RPS6KL1: variants seen among roughly 807,000 people sequenced by gnomAD.
RPS6KL1 encodes ribosomal protein S6 kinase like 1.
RPS6KL1 carries 41 observed loss-of-function variants against 57.0 expected under a neutral mutation model. That is an observed-to-expected ratio of 0.72 (90% CI 0.56 to 0.93). RPS6KL1 has a LOEUF of 0.93. RPS6KL1 is among the 40% of genes least tolerant of loss of function. The pLI is 0.00. For synonymous variants in RPS6KL1, 287 were observed against 309.7 expected, an observed-to-expected ratio of 0.93 and a Z score of 0.77; for missense variants, 697 against 727.7, an observed-to-expected ratio of 0.96 and a Z score of 0.49.
At position 74,909,935 on chromosome 14, in the gene RPS6KL1, G is replaced by A. The variant is rs1885628466; in HGVS notation, c.878C>T (p.Ala293Val). 3 of 1,614,010 alleles carry A rather than the reference G, an allele frequency of 1.9e-6. No homozygotes were observed. In the Admixed American group the frequency reaches 5.0e-5, roughly 27 times the overall value. The change falls in exon 8 of 12, where the codon GCC becomes GTC. Residue 293 changes from alanine to valine, a missense_variant. Coordinates refer to ENST00000557413, the MANE Select transcript of RPS6KL1 (RefSeq NM_031464.5). The stretch of plus-strand genomic sequence containing the variant: ...CTCCCTCTGGGGTCTGGTGGATGGG[G>A]CCTCCCCAGCTAGGAGAAGGTTCGG... ...TSPNLLLAGE[A>V]PSTRPQREAE...
rs1555375580 is a variant in RPS6KL1 at position 74,907,486 on chromosome 14, C to G, written c.1488G>C (p.Gln496His). 5.7e-6 allele frequency: 9 copies of G among 1,588,292 alleles called. No individual in the cohort carries two copies. The highest frequency in any genetic ancestry group is 7.7e-6 in the Non-Finnish European group (9 of 1,167,444). The change falls in exon 11 of 12, where the codon CAG becomes CAC. Residue 496 changes from glutamine to histidine, a missense_variant. Gln to His is a conservative substitution (Grantham distance 24, BLOSUM62 0). Transcript: ENST00000557413. ...SHPSGIQAHT[Q>H]LQLPEWLSRP... ...GACTGAGCCACTCGGGCAGCTGGAG[C>G]TGGGTGTGGGCCTGGATTCCTGAAG...
chr14:74,906,100 T>TGAA lies in RPS6KL1; in HGVS notation c.*911_*913dup, dbSNP rs1214260665. 2.2e-5 allele frequency: 4 copies of TGAA among 185,152 alleles called. No homozygotes were observed. The highest frequency in any genetic ancestry group is 2.1e-4 in the Admixed American group (4 of 18,730). The allele number at this position is 185,152 out of a possible 1,614,324, so 11.5% of individuals were successfully genotyped here. On this transcript the variant is annotated 3_prime_UTR_variant, in exon 12 of 12. Transcript: ENST00000557413. ...TGTGGTTTCTTATCCCAAAAGGGCA[T>TGAA]GAAGTCACAGTAGGCAGTGACATGG...
chr14:74,916,616 G>A (rs192138274), intron 5 of RPS6KL1, among the ~76,000 whole-genome samples: 1 of 152,234 alleles, frequency 6.6e-6, no homozygotes, highest in Admixed American at 6.5e-5. Context: ...GGTAGGTCGA[G>A]GCTGCAGTGA....
At chr14:74,911,909 A>G in intron 5 of RPS6KL1, 68 bp from the exon 6 acceptor site, 3 of 1,398,092 alleles carry the variant, frequency 2.1e-6, no homozygotes. Flanking sequence ...CCCCAGCCTG[A>G]CCCCCTCCCA....
In RPS6KL1 at chr14:74,907,138, C is replaced by A; in HGVS notation, c.1540-14G>T. 1 of 1,597,402 alleles carries A rather than the reference C, an allele frequency of 6.3e-7. No homozygotes were observed. The highest frequency in any genetic ancestry group is 8.5e-7 in the Non-Finnish European group (1 of 1,170,526). On this transcript the variant is annotated splice_polypyrimidine_tract_variant and intron_variant, in intron 11 of 11. Transcript: ENST00000557413. ...GAACTGCAGCAGCTGCAGAGAGAGG[C>A]CCAGTCAGCTGGGCCACTCCAGCTG...
Position 74,907,448 on chromosome 14 carries a change from GAGGCCGCTGGGCGACTGAGCCACTC to G in RPS6KL1, c.1501_1525del (p.Glu501LeufsTer3), listed in dbSNP as rs1383750365. On this transcript the variant is annotated frameshift_variant, in exon 11 of 12. Transcript: ENST00000557413. LOFTEE classifies it high-confidence loss of function. ...GCTACACCTCACCTCAGTCAGCAGA[GAGGCCGCTGGGCGACTGAGCCACTC>G]GGGCAGCTGGAGCTGGGTGTGGGCC... is the stretch of plus-strand genomic sequence containing the variant. The G allele has an allele frequency of 6.3e-7, 1 of 1,581,460 alleles. No individual in the cohort carries two copies. The highest frequency in any genetic ancestry group is 8.6e-7 in the Non-Finnish European group (1 of 1,164,026).
chr14:74,910,153 G>T lies in RPS6KL1; in HGVS notation c.665-5C>A. The T allele has an allele frequency of 6.6e-7, 1 of 1,519,440 alleles. No individual in the cohort carries two copies. Among genetic ancestry groups the T allele is most frequent in the Non-Finnish European group, 8.8e-7 (1 of 1,139,746 alleles). 94.1% of individuals were successfully genotyped at this position (1,519,440 alleles called of 1,614,324 possible). A position where few individuals can be genotyped will look rare whatever the true frequency, so the allele number is the denominator to read the frequency against. ...GGTGGGACCAGAGAGTGCCTCCTGG[G>T]CCATGCAGAGGGAGCGGTGAGCGTG... On this transcript the variant is annotated splice_region_variant and splice_polypyrimidine_tract_variant and intron_variant, in intron 7 of 11. Coordinates refer to ENST00000557413, the MANE Select transcript of RPS6KL1 (RefSeq NM_031464.5).
intron 5 of RPS6KL1, among the ~76,000 whole-genome samples, chr14:74,916,224 T>A (rs1265331272): frequency 2.6e-5 from 4 of 152,188 alleles, no homozygotes; most frequent in Non-Finnish European, 4.4e-5. Context: ...CAAGTCTGGC[T>A]GCAGGGACCC....
At chr14:74,914,391 C>CA (rs1594932986) in intron 5 of RPS6KL1, among the ~76,000 whole-genome samples, 1 of 152,214 alleles carries the variant, frequency 6.6e-6, no homozygotes, top group South Asian at 2.1e-4. Flanking sequence ...CTGTAACTGA[C>CA]AGAGTCCAAA....
chr14:74,906,063 T>C lies in RPS6KL1; in HGVS notation c.*951A>G, dbSNP rs1322827569. On this transcript the variant is annotated 3_prime_UTR_variant, in exon 12 of 12. Coordinates refer to ENST00000557413, the MANE Select transcript of RPS6KL1 (RefSeq NM_031464.5). ...TCTGGCTAAGAGCCATGGATAGTTG[T>C]TCCATGCGTTTTGTGGTTTCTTATC... 3 of 174,594 alleles carry C rather than the reference T, an allele frequency of 1.7e-5. No individual in the cohort carries two copies. The highest frequency in any genetic ancestry group is 2.5e-5 in the Non-Finnish European group (2 of 79,858). The allele number at this position is 174,594 out of a possible 1,614,324, so 10.8% of individuals were successfully genotyped here.
chr14:74,922,988 G>A (rs1888094397), intron 1 of RPS6KL1, among the ~76,000 whole-genome samples, 192 bp downstream of exon 1: 1 of 152,192 alleles, frequency 6.6e-6, no homozygotes, highest in Admixed American at 6.5e-5. Context: ...TGCCCGGGTA[G>A]GACTGGCTTC....
At position 74,921,481 on chromosome 14, in the gene RPS6KL1, G is replaced by T; in HGVS notation, c.61C>A (p.Arg21=). 2 of 1,614,086 alleles carry T rather than the reference G, an allele frequency of 1.2e-6. No homozygotes were observed. The highest frequency in any genetic ancestry group is 2.2e-5 in the East Asian group (1 of 44,876). The change falls in exon 3 of 12, where the codon CGA becomes AGA. Residue 21 remains arginine, a synonymous_variant. Transcript: ENST00000557413. ...TACACGTGAGCTTGGGACCGTGCTC[G>T]TGAGCAAGGCTCAGGCTCCAGGCCG... ...SPGLEPEPCS[R]ARSQAHVYLE... is the part of the protein sequence containing the mutation.
chr14:74,911,035 C>A (rs1885862301), intron 7 of RPS6KL1: 10 of 476,248 alleles, frequency 2.1e-5, no homozygotes, highest in South Asian at 2.0e-4. Flanking sequence ...GCACACCTGG[C>A]TAGTTTTTGT....
intron 10 of RPS6KL1, among the ~76,000 whole-genome samples, chr14:74,907,815 A>G (rs143212072): frequency 0.011 from 1,722 of 152,326 alleles, 33 homozygotes; most frequent in African/African-American, 0.039. Flanking sequence ...TTGGGTTGCA[A>G]TCAGGGCAGG....
chr14:74,921,784 T>C (rs1320749856), intron 2 of RPS6KL1, 194 bp downstream of exon 2: 51 of 1,328,898 alleles, frequency 3.8e-5, no homozygotes, highest in Non-Finnish European at 4.8e-5. Flanking sequence ...TTTCTTTTTT[T>C]TTTTTTTTTT....
At chr14:74,914,956 C>T (rs894715322) in intron 5 of RPS6KL1, among the ~76,000 whole-genome samples, 6 of 152,256 alleles carry the variant, frequency 3.9e-5, no homozygotes, top group Non-Finnish European at 7.3e-5. Context: ...AGGTGATCCA[C>T]CCACCTTGGC....
Position 74,907,071 on chromosome 14 carries a change from G to A in RPS6KL1, c.1593C>T (p.Ser531=). 1 of 1,613,894 alleles carries A rather than the reference G, an allele frequency of 6.2e-7. No individual in the cohort carries two copies. Among genetic ancestry groups the A allele is most frequent in the Non-Finnish European group, 8.5e-7 (1 of 1,179,918 alleles). Residue 531 remains serine, a synonymous_variant, in exon 12 of 12, where the codon AGC becomes AGT. Transcript: ENST00000557413. ...TGAAAAAGGGATGGGACTTGAGTTT[G>A]CTGACACCACCTTCTCCCATGCCCA... ...RRLGMGEGGV[S]KLKSHPFFST... is the part of the protein sequence containing the mutation.
In RPS6KL1 at chr14:74,906,407, GGT is replaced by G. The variant is rs201391843; in HGVS notation, c.*605_*606del. ...ATAGGGGGCATGGTCAGGAATCGGG[GGT>G]GGGGGGGTGGGGGTGGGGGTCATCC... On this transcript the variant is annotated 3_prime_UTR_variant, in exon 12 of 12. Transcript: ENST00000557413. 0.2 allele frequency: 57,541 copies of G among 288,404 alleles called. 2,903 individuals carry two copies. The highest frequency in any genetic ancestry group is 0.23 in the African/African-American group (6,982 of 30,258). The allele number at this position is 288,404 out of a possible 1,614,324, so 17.9% of individuals were successfully genotyped here. A position where few individuals can be genotyped will look rare whatever the true frequency, so the allele number is the denominator to read the frequency against.
chr14:74,918,430 A>G, intron 5 of RPS6KL1, 83 bp downstream of exon 5: 1 of 1,017,038 alleles, frequency 9.8e-7, no homozygotes, highest in Non-Finnish European at 1.4e-6. Flanking sequence ...ACCTGCTTTC[A>G]GCATATCATG....
Sources: allele counts gnomAD v4.1 joint callset (sites outside exome capture counted in the v4.1 genomes callset), GRCh38; gene constraint gnomAD v4.1.1; transcripts MANE v1.5; gene names NCBI Gene and HGNC (gene_info 2026-07-23, HGNC 2026-07-21).